AQP11: variants seen among roughly 807,000 people sequenced by gnomAD.
AQP11 encodes the protein aquaporin 11.
AQP11 carries 20 observed loss-of-function variants against 21.1 expected under a neutral mutation model. The observed-to-expected ratio is 0.95, with a 90% CI of 0.67 to 1.38. AQP11 has a LOEUF of 1.38. AQP11 is among the 40% of genes most tolerant of loss of function. AQP11 has a pLI of 0.00. For missense variants in AQP11, 339 were observed against 340.4 expected (o/e 1.00, Z 0.03); for synonymous variants, 167 against 150.1 (o/e 1.11, Z -0.82).
chr11:77,606,865 G>A (rs1958849708), intron 2 of AQP11, among the ~76,000 whole-genome samples: 1 of 152,174 alleles, frequency 6.6e-6, no homozygotes, highest in African/African-American at 2.4e-5. Flanking sequence ...AAAGTGCTGA[G>A]ATTATAGGTG....
At chr11:77,605,992 G>A (rs372353195) in intron 2 of AQP11, among the ~76,000 whole-genome samples, 8 of 141,498 alleles carry the variant, frequency 5.7e-5, no homozygotes, top group African/African-American at 1.8e-4. Context: ...GCAGTGAGCC[G>A]AGATCGCACT....
rs1424527334 is a variant in AQP11 at position 77,609,306 on chromosome 11, T to C, written c.745T>C (p.Leu249=). 2.5e-6 allele frequency: 4 copies of C among 1,612,318 alleles called. No homozygotes were observed. The highest frequency in any genetic ancestry group is 2.2e-5 in the East Asian group (1 of 44,794). ...YWLAPSLGIL[L]MILMFSFFLP... is the part of the protein sequence containing the mutation. ...TGTATTTTGTCTTTCAGGTATATTG[T>C]TGATGATTTTGATGTTCAGCTTTTT... Residue 249 remains leucine (L), a synonymous_variant, in exon 3 of 3, where the codon TTG becomes CTG. Transcript: ENST00000313578.
chr11:77,600,139 T>TG (rs1292835452), intron 1 of AQP11, among the ~76,000 whole-genome samples: 1 of 150,650 alleles, frequency 6.6e-6, no homozygotes, highest in African/African-American at 2.4e-5. Context: ...TTTTTTTTTT[T>TG]TTGTATTTTA....
At chr11:77,600,608 C>A (rs541923447) in intron 1 of AQP11, among the ~76,000 whole-genome samples, 6 of 152,306 alleles carry the variant, frequency 3.9e-5, no homozygotes, top group African/African-American at 1.4e-4. Flanking sequence ...AAAGAGATTT[C>A]TCTCATTATT....
intron 1 of AQP11, among the ~76,000 whole-genome samples, chr11:77,598,143 T>C (rs1323745834): frequency 2.0e-5 from 3 of 152,230 alleles, no homozygotes; most frequent in African/African-American, 7.2e-5. Context: ...ATGGGTTCTC[T>C]GGAGAGGGAA....
At chr11:77,606,492 C>T (rs1235611213) in intron 2 of AQP11, among the ~76,000 whole-genome samples, 1 of 152,128 alleles carries the variant, frequency 6.6e-6, no homozygotes, top group Non-Finnish European at 1.5e-5. Flanking sequence ...CCACTTACCC[C>T]CTAATAATCC....
At chr11:77,608,249 T>A (rs190072783) in intron 2 of AQP11, among the ~76,000 whole-genome samples, 2 of 152,262 alleles carry the variant, frequency 1.3e-5, no homozygotes, top group Admixed American at 6.5e-5. Flanking sequence ...CTATTTCACA[T>A]TGAAAAATTA....
In AQP11 at chr11:77,609,519, A is replaced by C. The variant is rs1388266812; in HGVS notation, c.*142A>C. 1.8e-6 allele frequency: 1 copy of C among 552,408 alleles called. No homozygotes were observed. Among genetic ancestry groups the C allele is most frequent in the East Asian group, 3.0e-5 (1 of 33,158 alleles). The allele number at this position is 552,408 out of a possible 1,614,324, so 34.2% of individuals were successfully genotyped here. On this transcript the variant is annotated 3_prime_UTR_variant, in exon 3 of 3. Coordinates refer to ENST00000313578, the MANE Select transcript of AQP11 (RefSeq NM_173039.3). ...AGGAAGCTGCCTTATAGTTTTCATC[A>C]CTGGGACTTTAAAAAAAAATTACTG...
Position 77,590,002 on chromosome 11 carries a change from C to T in AQP11, c.10C>T (p.Leu4=). The stretch of plus-strand genomic sequence containing the variant: ...AGGCGGCGACGGAGCCATGTCGCCG[C>T]TGCTGGGGCTCCGGTCCGAGCTGCA... MSP[L]LGLRSELQDT... is the part of the protein sequence containing the mutation. The change falls in exon 1 of 3, where the codon CTG becomes TTG. Residue 4 remains leucine, a synonymous_variant. Transcript: ENST00000313578. 6.7e-7 allele frequency: 1 copy of T among 1,492,584 alleles called. No homozygotes were observed. The highest frequency in any genetic ancestry group is 8.9e-7 in the Non-Finnish European group (1 of 1,126,288). 92.5% of individuals were successfully genotyped at this position (1,492,584 alleles called of 1,614,324 possible).
At position 77,590,288 on chromosome 11, in the gene AQP11, A is replaced by C. The variant is rs776955511; in HGVS notation, c.296A>C (p.Asn99Thr). The C allele has an allele frequency of 6.2e-6, 10 of 1,604,616 alleles. No individual in the cohort carries two copies. In the East Asian group the frequency reaches 2.2e-4, roughly 36 times the overall value. ...HGLTLVGTSS[N>T]PCGVMMQMML... ...CTGACTCTGGTGGGCACGTCCAGCA[A>C]CCCGTGCGGCGTGATGATGCAGATG... Residue 99 changes from asparagine to threonine, a missense_variant, in exon 1 of 3, where the codon AAC (asparagine) becomes ACC (threonine). Physicochemically the swap from Asn to Thr is moderately conservative, Grantham distance 65 (BLOSUM62 0). Coordinates refer to ENST00000313578, the MANE Select transcript of AQP11 (RefSeq NM_173039.3).
At chr11:77,603,940 C>CTT (rs59061258) in intron 2 of AQP11, among the ~76,000 whole-genome samples, 11 of 149,362 alleles carry the variant, frequency 7.4e-5, no homozygotes, top group South Asian at 2.1e-4. Context: ...CAAAAATAAT[C>CTT]TTTTTTTTTT....
chr11:77,606,690 C>T (rs1958848554), intron 2 of AQP11, among the ~76,000 whole-genome samples: 1 of 152,108 alleles, frequency 6.6e-6, no homozygotes. Context: ...GGACTACTGG[C>T]GTATGCCCCC....
chr11:77,598,775 T>C (rs1958798021), intron 1 of AQP11, among the ~76,000 whole-genome samples: 1 of 152,122 alleles, frequency 6.6e-6, no homozygotes, highest in African/African-American at 2.4e-5. Flanking sequence ...AGCACAGTGG[T>C]GCAATCTTGG....
intron 2 of AQP11, among the ~76,000 whole-genome samples, chr11:77,608,214 G>A (rs1958857632): frequency 6.6e-6 from 1 of 152,236 alleles, no homozygotes; most frequent in African/African-American, 2.4e-5. Flanking sequence ...AGTGACTTGA[G>A]CCCTTGGCTC....
chr11:77,590,332 C>G lies in AQP11; in HGVS notation c.340C>G (p.Pro114Ala). 1 of 1,610,774 alleles carries G rather than the reference C, an allele frequency of 6.2e-7. No individual in the cohort carries two copies. Among genetic ancestry groups the G allele is most frequent in the Non-Finnish European group, 8.5e-7 (1 of 1,177,524 alleles). The change falls in exon 1 of 3, where the codon CCC becomes GCC. Residue 114 changes from proline (P) to alanine (A), a missense_variant. Transcript: ENST00000313578. Reference protein sequence around the residue: ...MMQMMLGGMSPETGAVRLLAQ... With the variant: ...MMQMMLGGMSAETGAVRLLAQ... ...GCAGATGATGCTGGGGGGCATGTCC[C>G]CCGAGACGGGTGCGGTGAGGCTATT... is the stretch of plus-strand genomic sequence containing the variant.
At chr11:77,608,519 A>G (rs1394745262) in intron 2 of AQP11, among the ~76,000 whole-genome samples, 1 of 152,200 alleles carries the variant, frequency 6.6e-6, no homozygotes, top group Non-Finnish European at 1.5e-5. Context: ...AGGCTGAGGC[A>G]GGAGAATCGC....
chr11:77,597,548 G>A (rs575614262), intron 1 of AQP11, among the ~76,000 whole-genome samples: 2 of 152,222 alleles, frequency 1.3e-5, no homozygotes, highest in Admixed American at 6.5e-5. Flanking sequence ...CTCCAGCCTG[G>A]ATGACAGAGT....
chr11:77,603,300 AAC>A (rs1340197343), intron 1 of AQP11, among the ~76,000 whole-genome samples: 2 of 152,222 alleles, frequency 1.3e-5, no homozygotes, highest in Non-Finnish European at 2.9e-5. Flanking sequence ...AGAGCACATT[AAC>A]TTTCAGTGTC....
intron 1 of AQP11, chr11:77,591,356 C>T (rs1474912539): frequency 1.0e-6 from 1 of 963,568 alleles, no homozygotes; most frequent in Non-Finnish European, 1.2e-6. Context: ...GGAGGAAATC[C>T]AAAACACAAG....
Sources: gnomAD v4.1 joint callset for allele counts (sites outside exome capture counted in the v4.1 genomes callset) on GRCh38, gnomAD v4.1.1 for gene constraint, MANE v1.5 for transcripts, NCBI Gene and HGNC (gene_info 2026-07-23, HGNC 2026-07-21) for gene names.